Variants in RBPMS observed in about 807,000 individuals in gnomAD.
RBPMS encodes the protein RNA binding protein, mRNA processing factor, also known as RNA-binding protein with multiple splicing.
Under a neutral mutation model 26.8 loss-of-function variants are expected in RBPMS, and 7 were observed. The observed-to-expected ratio is 0.26, with a 90% CI of 0.15 to 0.49. The LOEUF (loss-of-function observed/expected upper bound fraction) is 0.49. Among genes scored for constraint, RBPMS ranks in the 20% least tolerant of loss-of-function variants. RBPMS has a pLI of 0.98. For missense variants in RBPMS, 186 were observed against 250.0 expected, an observed-to-expected ratio of 0.74 and a Z score of 1.73; for synonymous variants, 96 against 93.3, an observed-to-expected ratio of 1.03 and a Z score of -0.17.
At chr8:30,390,651 C>T (rs1175753682) in intron 1 of RBPMS, among the ~76,000 whole-genome samples, 1 of 152,194 alleles carries the variant, frequency 6.6e-6, no homozygotes, top group Non-Finnish European at 1.5e-5. Flanking sequence ...AGATCCCCCT[C>T]ACCTGAATGT....
At chr8:30,551,105 A>G (rs1055694226) in intron 6 of RBPMS, among the ~76,000 whole-genome samples, 2 of 152,156 alleles carry the variant, frequency 1.3e-5, no homozygotes, top group Non-Finnish European at 2.9e-5. Context: ...TTCTGCCAGG[A>G]AACCCGAGAA....
chr8:30,486,593 A>G (rs1818812333), intron 4 of RBPMS, among the ~76,000 whole-genome samples: 1 of 152,192 alleles, frequency 6.6e-6, no homozygotes, highest in African/African-American at 2.4e-5. Flanking sequence ...CGATCACGCC[A>G]TTGCACTCCA....
intron 1 of RBPMS, 76 bp downstream of exon 1, chr8:30,385,234 G>A: frequency 9.4e-7 from 1 of 1,060,472 alleles, no homozygotes; most frequent in Non-Finnish European, 1.3e-6. Context: ...CGGGCCCGGG[G>A]CGCGGCGGTG....
chr8:30,469,204 C>T (rs1816828294), intron 1 of RBPMS, among the ~76,000 whole-genome samples: 1 of 152,206 alleles, frequency 6.6e-6, no homozygotes, highest in Non-Finnish European at 1.5e-5. Context: ...ATTAGATATG[C>T]TCTTTATTAA....
At chr8:30,448,679 A>G (rs544095868) in intron 1 of RBPMS, among the ~76,000 whole-genome samples, 8 of 152,368 alleles carry the variant, frequency 5.3e-5, no homozygotes, top group Admixed American at 2.0e-4. Flanking sequence ...TGTCTTGTTC[A>G]AGATTCAAAT....
At chr8:30,500,604 C>T (rs1820462275) in intron 4 of RBPMS, among the ~76,000 whole-genome samples, 2 of 152,150 alleles carry the variant, frequency 1.3e-5, no homozygotes, top group African/African-American at 4.8e-5. Flanking sequence ...CTGAAGACCT[C>T]AGTGACAGGA....
intron 5 of RBPMS, among the ~76,000 whole-genome samples, chr8:30,526,751 A>G (rs1454593204): frequency 1.3e-5 from 2 of 152,190 alleles, no homozygotes. Flanking sequence ...GGTGTGCAAT[A>G]AATTTGGGAA....
chr8:30,419,428 A>C (rs1810476817), intron 1 of RBPMS, among the ~76,000 whole-genome samples: 1 of 143,216 alleles, frequency 7.0e-6, no homozygotes, highest in Non-Finnish European at 1.5e-5. Context: ...CCTGGGCGAC[A>C]GAGTGAGATT....
At chr8:30,444,071 G>C (rs1252415391) in intron 1 of RBPMS, among the ~76,000 whole-genome samples, 1 of 151,918 alleles carries the variant, frequency 6.6e-6, no homozygotes, top group Non-Finnish European at 1.5e-5. Context: ...TAATTTTTGT[G>C]TTTTTAGTAG....
chr8:30,428,224 T>C (rs961093973), intron 1 of RBPMS, among the ~76,000 whole-genome samples: 3 of 151,896 alleles, frequency 2.0e-5, no homozygotes, highest in African/African-American at 7.3e-5. Context: ...GGGTTTACCA[T>C]GTTGGCCAGG....
intron 1 of RBPMS, among the ~76,000 whole-genome samples, chr8:30,410,312 G>T (rs1048862677): frequency 6.6e-6 from 1 of 151,982 alleles, no homozygotes; most frequent in East Asian, 1.9e-4. Flanking sequence ...GGGTTCAAAC[G>T]ATTCTCCTGC....
chr8:30,549,542 G>A lies in RBPMS; in HGVS notation c.528+4918G>A, dbSNP rs372153715. On this transcript the variant is annotated intron_variant, in intron 6 of 8. Transcript: ENST00000397323. ...TGTGAGGAGAAGCCACCCCTTGAGC[G>A]CTCCGTCTCCTGATAGTGCCAGCCT... is the stretch of plus-strand genomic sequence containing the variant. The A allele has an allele frequency of 1.4e-5, 22 of 1,614,128 alleles. No homozygotes were observed. In the East Asian group the frequency reaches 1.8e-4, roughly 13 times the overall value.
intron 1 of RBPMS, among the ~76,000 whole-genome samples, chr8:30,409,108 G>T (rs941117946): frequency 2.6e-5 from 4 of 152,114 alleles, no homozygotes; most frequent in African/African-American, 9.6e-5. Flanking sequence ...CATATATTTG[G>T]GTTGTTGACG....
At chr8:30,475,701 T>C (rs1011050535) in intron 2 of RBPMS, among the ~76,000 whole-genome samples, 2 of 152,184 alleles carry the variant, frequency 1.3e-5, no homozygotes, top group African/African-American at 4.8e-5. Flanking sequence ...AAGACGGAAT[T>C]GGATATGACA....
chr8:30,510,913 C>A (rs16877110), intron 5 of RBPMS, among the ~76,000 whole-genome samples: 37,156 of 151,812 alleles, frequency 0.24, 4,881 homozygotes, highest in East Asian at 0.4. Context: ...ATAGTTCTTT[C>A]GAAGATAATT....
intron 1 of RBPMS, among the ~76,000 whole-genome samples, chr8:30,391,292 A>G (rs1312003194): frequency 1.3e-5 from 2 of 152,334 alleles, no homozygotes; most frequent in Middle Eastern, 3.4e-3. Flanking sequence ...GGCTTCCAGA[A>G]GCCTTGGTTA....
chr8:30,445,312 G>A (rs920029839), intron 1 of RBPMS: 5 of 152,148 alleles, frequency 3.3e-5, no homozygotes, highest in Non-Finnish European at 5.9e-5. Flanking sequence ...CCAGATACTG[G>A]AAGCAGAAAC....
At chr8:30,462,014 T>A (rs1815969003) in intron 1 of RBPMS, among the ~76,000 whole-genome samples, 2 of 152,214 alleles carry the variant, frequency 1.3e-5, no homozygotes, top group South Asian at 4.1e-4. Context: ...AGTTGTTGCT[T>A]GTATTAGTAG....
At chr8:30,526,616 G>A (rs1209482373) in intron 5 of RBPMS, among the ~76,000 whole-genome samples, 1 of 152,190 alleles carries the variant, frequency 6.6e-6, no homozygotes, top group Non-Finnish European at 1.5e-5. Context: ...AACGTATGTG[G>A]CTACCCCTTG....
Sources: allele counts gnomAD v4.1 joint callset (sites outside exome capture counted in the v4.1 genomes callset), GRCh38; gene constraint gnomAD v4.1.1; transcripts MANE v1.5; gene names NCBI Gene and HGNC (gene_info 2026-07-23, HGNC 2026-07-21).